MEGF6: variants seen among roughly 807,000 people sequenced by gnomAD.
The protein encoded by MEGF6 is multiple EGF like domains 6, also known as multiple epidermal growth factor-like domains protein 6.
MEGF6 carries 184 observed loss-of-function variants against 207.1 expected under a neutral mutation model. The observed-to-expected ratio is 0.89, with a 90% CI of 0.79 to 1.00. MEGF6 has a LOEUF of 1.00. MEGF6 is among the 50% of genes least tolerant of loss of function. The pLI, the probability that MEGF6 is intolerant of heterozygous loss-of-function variation, is 0.00. For missense variants in MEGF6, 2,282 were observed against 2,202.9 expected, an observed-to-expected ratio of 1.04 and a Z score of -0.72; for synonymous variants, 1,038 against 910.0, an observed-to-expected ratio of 1.14 and a Z score of -2.53.
chr1:3,530,322 C>T (rs769302069), intron 4 of MEGF6, among the ~76,000 whole-genome samples: 15 of 152,178 alleles, frequency 9.9e-5, no homozygotes, highest in African/African-American at 2.2e-4. Flanking sequence ...GGAGGGGTGA[C>T]GTCTCTAAGG....
At chr1:3,603,758 C>T (rs778705292) in intron 1 of MEGF6, among the ~76,000 whole-genome samples, 17 of 151,946 alleles carry the variant, frequency 1.1e-4, no homozygotes, top group Admixed American at 2.0e-4. Flanking sequence ...CCAGGAGCTC[C>T]TAACCAGCCG....
rs931475692 is a variant in MEGF6 at position 3,531,076 on chromosome 1, C to T, written c.482-6830G>A. On this transcript the variant is annotated intron_variant, in intron 4 of 36. Transcript: ENST00000356575. ...CGCCCTGCCCAGGCTCGCCCGGCGC[C>T]CACCTGGCCTCTGGTCACCGGCGCT... The T allele has an allele frequency of 4.0e-6, 6 of 1,518,934 alleles. No homozygotes were observed. In the South Asian group the frequency reaches 6.1e-5, roughly 16 times the overall value. 94.1% of individuals were successfully genotyped at this position (1,518,934 alleles called of 1,614,324 possible).
intron 4 of MEGF6, among the ~76,000 whole-genome samples, chr1:3,574,438 C>G (rs1385989109): frequency 1.3e-5 from 2 of 152,142 alleles, no homozygotes; most frequent in Non-Finnish European, 2.9e-5. Flanking sequence ...CCCACCTCCT[C>G]CAGGAAGCCC....
chr1:3,498,438 G>GC lies in MEGF6; in HGVS notation c.3284dup (p.Leu1096ProfsTer3). The GC allele has an allele frequency of 1.3e-6, 2 of 1,580,002 alleles. No homozygotes were observed. The highest frequency in any genetic ancestry group is 1.7e-6 in the Non-Finnish European group (2 of 1,164,700). ...AGCGGCCCGTGTGCGGGTCACACAG[G>GC]CCCCCGTTGAGGCAACCGCCGCTGT... On this transcript the variant is annotated frameshift_variant, in exon 26 of 37. Coordinates refer to ENST00000356575, the MANE Select transcript of MEGF6 (RefSeq NM_001409.4). LOFTEE classifies it high-confidence loss of function.
Position 3,598,322 on chromosome 1 carries a change from G to T in MEGF6, c.267-2875C>A, listed in dbSNP as rs572744903. Among the ~76,000 whole-genome samples the T allele has an allele frequency of 2.0e-5, 3 of 152,218 alleles. No homozygotes were observed. The East Asian group carries it at 5.8e-4, about 29-fold the overall frequency. On this transcript the variant is annotated intron_variant, in intron 2 of 36. Transcript: ENST00000356575. ...AGCGGGGCCAGTGGCCGGCCGGCGG[G>T]CGGGCCGCTTCCCGGAAGCACGTGC...
intron 21 of MEGF6, among the ~76,000 whole-genome samples, chr1:3,500,145 G>C (rs900798618): frequency 3.3e-5 from 5 of 152,216 alleles, no homozygotes; most frequent in African/African-American, 9.6e-5. Context: ...TTAGGGATGG[G>C]AACCTCCCCA....
At position 3,611,464 on chromosome 1, in the gene MEGF6, C is replaced by T. The variant is rs959861323; in HGVS notation, c.-196G>A. The T allele has an allele frequency of 1.5e-6, 1 of 669,428 alleles. No individual in the cohort carries two copies. The highest frequency in any genetic ancestry group is 1.9e-5 in the African/African-American group (1 of 52,224). 41.5% of individuals were successfully genotyped at this position (669,428 alleles called of 1,614,324 possible). On this transcript the variant is annotated 5_prime_UTR_variant, in exon 1 of 37. Transcript: ENST00000356575. ...AAGTGGCACCGCGGAGACCTGATCG[C>T]CGGGTCCACCCTGCAGGAACTCGCC...
At chr1:3,507,280 G>A (rs1216056188) in intron 14 of MEGF6, among the ~76,000 whole-genome samples, 1 of 152,238 alleles carries the variant, frequency 6.6e-6, no homozygotes, top group Non-Finnish European at 1.5e-5. Context: ...CAGAAATGAT[G>A]AAGTCTGAAG....
At chr1:3,536,422 G>A (rs548204567) in intron 4 of MEGF6, among the ~76,000 whole-genome samples, 19 of 152,308 alleles carry the variant, frequency 1.2e-4, no homozygotes, top group Admixed American at 2.6e-4. Flanking sequence ...ATGAGCCCCA[G>A]CTGAAGCTCT....
chr1:3,585,365 TCCTGTGTGTGGGTGTCTGGACGCA>T (rs1406075186), intron 3 of MEGF6, among the ~76,000 whole-genome samples: 2 of 147,294 alleles, frequency 1.4e-5, no homozygotes, highest in African/African-American at 5.1e-5. Flanking sequence ...AGGACACACG[TCCTGTGTGTGGGTGTCTGGACGCA>T]TGTCCTGTGT....
chr1:3,514,273 T>C (rs1641458342), intron 7 of MEGF6, among the ~76,000 whole-genome samples: 1 of 150,156 alleles, frequency 6.7e-6, no homozygotes, highest in African/African-American at 2.4e-5. Flanking sequence ...GGAAATACAA[T>C]AGTTTAAAAA....
At chr1:3,600,852 C>T (rs1205814368) in intron 2 of MEGF6, among the ~76,000 whole-genome samples, 1 of 152,192 alleles carries the variant, frequency 6.6e-6, no homozygotes, top group Non-Finnish European at 1.5e-5. Flanking sequence ...CCTCTGGTTC[C>T]CCCAGGAGCG....
chr1:3,514,658 C>T lies in MEGF6; in HGVS notation c.745G>A (p.Ala249Thr), dbSNP rs1202547749. ...GRHCVRRSPCANRNGSCMHRC... is the reference protein window; with the variant it reads ...GRHCVRRSPCTNRNGSCMHRC... ...TGCATGCAGCTGCCGTTCCTGTTGG[C>T]ACACGGGCTTCTACCTGCAGCCACG... Residue 249 changes from alanine to threonine, a missense_variant, in exon 7 of 37, where the codon GCC (alanine) becomes ACC (threonine). Physicochemically the swap from Ala to Thr is moderately conservative, Grantham distance 58. Transcript: ENST00000356575. The T allele has an allele frequency of 2.5e-6, 4 of 1,582,402 alleles. No homozygotes were observed. The highest frequency in any genetic ancestry group is 1.8e-5 in the Admixed American group (1 of 56,962).
rs1643180075 is a variant in MEGF6, at chr1:3,560,859, G to T, written c.481+18966C>A. ...CCGCGAGGGGGTTGCTGGGCTGGCT[G>T]GTCCCCCAGGTCTCTACGCGAAGGG... is the stretch of plus-strand genomic sequence containing the variant. On this transcript the variant is annotated intron_variant, in intron 4 of 36. Coordinates refer to ENST00000356575, the MANE Select transcript of MEGF6 (RefSeq NM_001409.4). The surrounding 1 kb of genome is among the most constrained non-coding windows in gnomAD (Gnocchi z 4.0). 2.3e-6 allele frequency: 1 copy of T among 432,542 alleles called. No homozygotes were observed. The highest frequency in any genetic ancestry group is 4.7e-6 in the Non-Finnish European group (1 of 213,978). 26.8% of individuals were successfully genotyped at this position (432,542 alleles called of 1,614,324 possible).
At chr1:3,552,751 C>T (rs1032007717) in intron 4 of MEGF6, among the ~76,000 whole-genome samples, 1 of 152,214 alleles carries the variant, frequency 6.6e-6, no homozygotes, top group African/African-American at 2.4e-5. Context: ...GAGGCCACAG[C>T]CTGCCAGGGT....
intron 4 of MEGF6, among the ~76,000 whole-genome samples, chr1:3,534,762 G>A (rs921160597): frequency 8.5e-5 from 13 of 152,108 alleles, no homozygotes; most frequent in African/African-American, 2.2e-4. Flanking sequence ...GCCATGGTCC[G>A]GAGACATCCT....
chr1:3,555,739 C>A (rs1367933635), intron 4 of MEGF6, among the ~76,000 whole-genome samples: 1 of 152,176 alleles, frequency 6.6e-6, no homozygotes, highest in East Asian at 1.9e-4. Flanking sequence ...GCCGCTCATG[C>A]CAGAAGCTCC....
intron 21 of MEGF6, 146 bp downstream of exon 21, chr1:3,500,487 G>A (rs948051782): frequency 4.6e-5 from 56 of 1,208,896 alleles, no homozygotes; most frequent in African/African-American, 9.2e-5. Context: ...GGGTGTGTGC[G>A]CGCACAGGAG....
At chr1:3,522,920 C>A (rs1373593167) in intron 5 of MEGF6, among the ~76,000 whole-genome samples, 1 of 152,210 alleles carries the variant, frequency 6.6e-6, no homozygotes, top group Non-Finnish European at 1.5e-5. Flanking sequence ...CTCCCAGAAG[C>A]CCCGCAGGGC....
Sources: allele counts gnomAD v4.1 joint callset (sites outside exome capture counted in the v4.1 genomes callset), GRCh38; gene constraint gnomAD v4.1.1; non-coding constraint Gnocchi (gnomAD v3.1); transcripts MANE v1.5; gene names NCBI Gene and HGNC (gene_info 2026-07-23, HGNC 2026-07-21).